The following GALNT14 variants were observed in gnomAD, a reference collection of about 807,000 sequenced individuals.
GALNT14 encodes polypeptide N-acetylgalactosaminyltransferase 14, also known as UDP-GalNAc:polypeptide N-acetylgalactosaminyltransferase 14.
Under a neutral mutation model 77.5 loss-of-function variants are expected in GALNT14, and 60 were observed. The ratio of observed to expected loss-of-function variants is 0.77; its 90% CI spans 0.63 to 0.96. The LOEUF is 0.96. Ranked by LOEUF, GALNT14 falls within the 40% of genes least tolerant of loss-of-function variation. GALNT14 has a pLI of 0.00. For synonymous variants in GALNT14, 280 were observed against 281.7 expected (o/e 0.99, Z 0.06); for missense variants, 710 against 731.0 (o/e 0.97, Z 0.33).
chr2:31,072,436 A>C (rs1362892236), intron 1 of GALNT14, among the ~76,000 whole-genome samples: 1 of 149,268 alleles, frequency 6.7e-6, no homozygotes, highest in Non-Finnish European at 1.5e-5. Flanking sequence ...CCTTCGCCTG[A>C]CCTCTCCTCT....
At chr2:31,127,829 G>C (rs1010224685) in intron 1 of GALNT14, among the ~76,000 whole-genome samples, 1 of 152,194 alleles carries the variant, frequency 6.6e-6, no homozygotes, top group Non-Finnish European at 1.5e-5. Flanking sequence ...CTGAGCAAAC[G>C]ATTAGAAAAC....
chr2:30,954,644 A>G (rs1052365158), intron 6 of GALNT14, among the ~76,000 whole-genome samples: 16 of 152,208 alleles, frequency 1.1e-4, no homozygotes, highest in African/African-American at 3.9e-4. Flanking sequence ...TTTTCTTCTG[A>G]GCAGACGACA....
At chr2:31,110,985 A>T (rs1029323700) in intron 1 of GALNT14, among the ~76,000 whole-genome samples, 1 of 152,194 alleles carries the variant, frequency 6.6e-6, no homozygotes, top group Non-Finnish European at 1.5e-5. Context: ...TCCCTCAATC[A>T]GGTACCCCAC....
chr2:31,076,090 T>C (rs568907233), intron 1 of GALNT14, among the ~76,000 whole-genome samples: 1 of 152,292 alleles, frequency 6.6e-6, no homozygotes, highest in African/African-American at 2.4e-5. Flanking sequence ...TGGAAACCAC[T>C]GTGTATAGAT....
chr2:30,902,420 C>T, the GALNT14 span, among the ~76,000 whole-genome samples: 1 of 152,112 alleles, frequency 6.6e-6, no homozygotes, highest in Non-Finnish European at 1.5e-5. Flanking sequence ...GAGAACCATC[C>T]CATCTCCTTT....
intron 14 of GALNT14, 146 bp downstream of exon 14, chr2:30,912,077 C>G (rs1367145366): frequency 4.1e-6 from 4 of 980,932 alleles, no homozygotes; most frequent in Non-Finnish European, 6.1e-6. Flanking sequence ...GGATCCCAGG[C>G]AGCACTTTCC....
intron 1 of GALNT14, among the ~76,000 whole-genome samples, chr2:31,038,085 T>TATATATATATATATATATATATATAA (rs1491282655): frequency 2.6e-5 from 1 of 38,972 alleles, no homozygotes; most frequent in Non-Finnish European, 4.4e-5. Context: ...TATATATATA[T>TATATATATATATATATATATATATAA]TTTTTTTTTT....
chr2:30,953,725 C>A (rs887682746), intron 6 of GALNT14, among the ~76,000 whole-genome samples: 1 of 152,142 alleles, frequency 6.6e-6, no homozygotes, highest in African/African-American at 2.4e-5. Flanking sequence ...AAGAACCCAG[C>A]GGACCTTACT....
intron 7 of GALNT14, 53 bp downstream of exon 7, chr2:30,945,730 G>A: frequency 7.1e-7 from 1 of 1,416,770 alleles, no homozygotes; most frequent in Non-Finnish European, 1.0e-6. Flanking sequence ...TAAAAGCAGT[G>A]ACTGAGAGGA....
At chr2:30,949,367 A>G (rs4952007) in intron 6 of GALNT14, among the ~76,000 whole-genome samples, 64,810 of 151,922 alleles carry the variant, frequency 0.43, 14,502 homozygotes, top group East Asian at 0.56. Flanking sequence ...CCTGTAGGCT[A>G]GGGGATGGAG....
chr2:30,997,477 T>C (rs1171334263), intron 1 of GALNT14, among the ~76,000 whole-genome samples: 1 of 152,162 alleles, frequency 6.6e-6, no homozygotes, highest in Admixed American at 6.5e-5. Flanking sequence ...GTACAGGAAG[T>C]GATACGTCCC....
At chr2:31,013,484 C>T (rs1438027920) in intron 1 of GALNT14, among the ~76,000 whole-genome samples, 5 of 152,200 alleles carry the variant, frequency 3.3e-5, no homozygotes, top group Non-Finnish European at 7.3e-5. Context: ...CAAACTTCCC[C>T]GCGGCAGCTT....
At chr2:31,117,420 T>C (rs765164093) in intron 1 of GALNT14, among the ~76,000 whole-genome samples, 2 of 152,168 alleles carry the variant, frequency 1.3e-5, no homozygotes, top group Non-Finnish European at 2.9e-5. Context: ...AAAACAGGAA[T>C]ATTCAAAAAT....
intron 6 of GALNT14, among the ~76,000 whole-genome samples, chr2:30,950,544 C>G (rs1223348957): frequency 6.6e-6 from 1 of 152,220 alleles, no homozygotes; most frequent in East Asian, 1.9e-4. Context: ...GAAACACAGG[C>G]TGACTCACGC....
At chr2:30,997,572 C>G (rs1670112113) in intron 1 of GALNT14, among the ~76,000 whole-genome samples, 1 of 152,232 alleles carries the variant, frequency 6.6e-6, no homozygotes, top group Admixed American at 6.5e-5. Flanking sequence ...CATCAGCACC[C>G]ATGGCCCCCA....
At position 30,932,080 on chromosome 2, in the gene GALNT14, T is replaced by A. The variant is rs777654707; in HGVS notation, c.1046A>T (p.Asn349Ile). Residue 349 changes from asparagine to isoleucine, a missense_variant, in exon 10 of 15, where the codon AAC (asparagine) becomes ATC (isoleucine). Transcript: ENST00000349752. ...HPYVFPDGNA[N>I]TYIKNTKRTA... ...CCTGGGCACTTACTTTATATACGTG[T>A]TGGCATTTCCATCAGGGAAAACGTA... The A allele has an allele frequency of 6.4e-7, 1 of 1,566,616 alleles. No individual in the cohort carries two copies. Among genetic ancestry groups the A allele is most frequent in the Non-Finnish European group, 8.6e-7 (1 of 1,156,098 alleles).
chr2:30,980,987 C>T (rs4952013), intron 2 of GALNT14, among the ~76,000 whole-genome samples: 37,251 of 152,130 alleles, frequency 0.24, 5,425 homozygotes, highest in East Asian at 0.55. Flanking sequence ...GCAGGAGAAC[C>T]GCTTGAACCT....
intron 1 of GALNT14, among the ~76,000 whole-genome samples, chr2:31,076,629 A>ATATATATATT (rs1553373502): frequency 8.8e-5 from 9 of 101,892 alleles, no homozygotes; most frequent in African/African-American, 2.8e-4. Flanking sequence ...ATATATATAT[A>ATATATATATT]TTTTTTTTTT....
chr2:31,016,595 C>T (rs574109245), intron 1 of GALNT14, among the ~76,000 whole-genome samples: 1 of 152,074 alleles, frequency 6.6e-6, no homozygotes, highest in East Asian at 1.9e-4. Context: ...GGAGTGCTGG[C>T]TGCAAACTTC....
Sources: allele counts gnomAD v4.1 joint callset (sites outside exome capture counted in the v4.1 genomes callset), GRCh38; gene constraint gnomAD v4.1.1; transcripts MANE v1.5; gene names NCBI Gene and HGNC (gene_info 2026-07-23, HGNC 2026-07-21).